The following CFAP65 variants were observed in gnomAD, a reference collection of about 807,000 sequenced individuals.
CFAP65 encodes cilia- and flagella-associated protein 65.
A neutral mutation model predicts 208.0 loss-of-function variants in CFAP65; 155 were observed. That is an observed-to-expected ratio of 0.75 (90% CI 0.65 to 0.85). The LOEUF (loss-of-function observed/expected upper bound fraction) is 0.85. Ranked by LOEUF, CFAP65 falls within the 40% of genes least tolerant of loss-of-function variation. The pLI is 0.00. For missense variants in CFAP65, 2,294 were observed against 2,451.3 expected (o/e 0.94, Z 1.36); for synonymous variants, 970 against 986.3 (o/e 0.98, Z 0.31).
rs566122546 is a variant in CFAP65, at chr2:219,019,614, A to T, written c.3365T>A (p.Ile1122Asn). ...DVSSMGSAEGITRKHLWRLFS... is the reference protein window; with the variant it reads ...DVSSMGSAEGNTRKHLWRLFS... ...GAGGCGCCACAGGTGCTTCCGGGTG[A>T]TACCCTCAGCACTGCCCATGGAGCT... is the stretch of plus-strand genomic sequence containing the variant. Residue 1122 changes from isoleucine to asparagine, a missense_variant, in exon 20 of 35, where the codon ATC becomes AAC. By Grantham distance (149) the Ile-to-Asn change is moderately radical. Around this residue, in one of 2 missense-constraint regions of CFAP65, gnomAD observed 1,427 missense variants for 1,438.7 expected, o/e 0.99. Transcript: ENST00000341552. 6.2e-7 allele frequency: 1 copy of T among 1,613,850 alleles called. No homozygotes were observed. The highest frequency in any genetic ancestry group is 1.3e-5 in the African/African-American group (1 of 75,072).
intron 21 of CFAP65, chr2:219,018,378 C>CGGT (rs1453976098): frequency 6.6e-6 from 1 of 152,202 alleles, no homozygotes; most frequent in Non-Finnish European, 1.5e-5. Context: ...GAGAAAAGCC[C>CGGT]CTCAGCCAGG....
At chr2:219,038,779 G>C in intron 3 of CFAP65, 117 bp downstream of exon 3, 1 of 1,242,626 alleles carries the variant, frequency 8.0e-7, no homozygotes, top group Non-Finnish European at 1.1e-6. Flanking sequence ...CTCACCCTCA[G>C]GGAAGGCACT....
intron 24 of CFAP65, among the ~76,000 whole-genome samples, chr2:219,011,215 A>AG (rs1203486680): frequency 6.7e-6 from 1 of 149,468 alleles, no homozygotes; most frequent in East Asian, 2.0e-4. Context: ...GTAAAGGAGT[A>AG]GCTTATTTTA....
chr2:219,005,529 C>G lies in CFAP65; in HGVS notation c.4956G>C (p.Glu1652Asp). ...ELPKRKAPRE[E>D]SETSEEKSPN... Reference sequence around the variant, plus strand: ...GGGATTTTTCCTCAGAAGTCTCTGACTCTTCCCTGGGGGCCTTCCTCTTTG... The same window carrying G: ...GGGATTTTTCCTCAGAAGTCTCTGAGTCTTCCCTGGGGGCCTTCCTCTTTG... The change falls in exon 32 of 35, where the codon GAG becomes GAC. Residue 1652 changes from glutamate to aspartate, a missense_variant. Around this residue, in one of 2 missense-constraint regions of CFAP65, gnomAD observed 1,427 missense variants for 1,438.7 expected, o/e 0.99. Transcript: ENST00000341552. The G allele has an allele frequency of 6.2e-7, 1 of 1,612,736 alleles. No homozygotes were observed.
chr2:219,017,117 TG>T (rs1201627493), intron 21 of CFAP65, among the ~76,000 whole-genome samples: 1 of 152,222 alleles, frequency 6.6e-6, no homozygotes, highest in Non-Finnish European at 1.5e-5. Flanking sequence ...GGGAAGAGAC[TG>T]GGCCCATCCA....
rs1574500012 is a variant in CFAP65, at chr2:219,003,340, G to A, written c.5556-68C>T. 6.8e-7 allele frequency: 1 copy of A among 1,462,084 alleles called. No individual in the cohort carries two copies. Among genetic ancestry groups the A allele is most frequent in the Non-Finnish European group, 9.0e-7 (1 of 1,106,310 alleles). 90.6% of individuals were successfully genotyped at this position (1,462,084 alleles called of 1,614,324 possible). ...CGCGCGCCTCCTCGCTCGCCTGTCC[G>A]TGCGGTACATTGTGCCGCGAGCTCT... On this transcript the variant is annotated intron_variant, in intron 33 of 34. Transcript: ENST00000341552. The surrounding 1 kb of genome is among the most constrained non-coding windows in gnomAD (Gnocchi z 4.4).
Position 219,003,035 on chromosome 2 carries a change from A to C in CFAP65, c.5694-14T>G, listed in dbSNP as rs1261048304. The C allele has an allele frequency of 6.4e-7, 1 of 1,553,380 alleles. No individual in the cohort carries two copies. The highest frequency in any genetic ancestry group is 2.4e-5 in the East Asian group (1 of 41,514). ...GGGGTCAGACTCCTGGAAGACAAAA[A>C]GTCCCAGGTAGGCGTGGGGGCGAGG... On this transcript the variant is annotated splice_polypyrimidine_tract_variant and intron_variant, in intron 34 of 34. Transcript: ENST00000341552. This position sits in a 1 kb window ranked among gnomAD's most constrained non-coding sequence, Gnocchi z 4.4.
At chr2:219,005,326 A>G (rs1378491946) in intron 32 of CFAP65, 108 bp downstream of exon 32, 13 of 1,456,946 alleles carry the variant, frequency 8.9e-6, no homozygotes, top group Admixed American at 1.7e-5. Context: ...ATGCCCCACC[A>G]AGTTCTATTT....
chr2:219,011,163 TGGTCAGCC>T (rs1320579259), intron 24 of CFAP65, among the ~76,000 whole-genome samples, 167 bp from the exon 25 acceptor site: 1 of 152,126 alleles, frequency 6.6e-6, no homozygotes, highest in Non-Finnish European at 1.5e-5. Flanking sequence ...TGTAACTGTA[TGGTCAGCC>T]GGTGATATTT....
Position 219,019,722 on chromosome 2 carries a change from G to C in CFAP65, c.3260-3C>G, listed in dbSNP as rs1341695179. ...CTGCTTCTCCCCAGCCTTGTTATCT[G>C]GGGAGGGGGGTGAGGAAGACAGAAG... On this transcript the variant is annotated splice_polypyrimidine_tract_variant and splice_region_variant and intron_variant, in intron 19 of 34. Coordinates refer to ENST00000341552, the MANE Select transcript of CFAP65 (RefSeq NM_194302.4). The C allele has an allele frequency of 1.2e-6, 2 of 1,612,398 alleles. No homozygotes were observed. Among genetic ancestry groups the C allele is most frequent in the East Asian group, 4.5e-5 (2 of 44,856 alleles).
At chr2:219,006,286 G>A in intron 30 of CFAP65, 63 bp from the exon 31 acceptor site, 1 of 1,543,808 alleles carries the variant, frequency 6.5e-7, no homozygotes, top group Non-Finnish European at 8.8e-7. Context: ...CACCAATGGG[G>A]TCCCTTGACC....
intron 2 of CFAP65, 97 bp downstream of exon 2, chr2:219,040,422 G>T: frequency 2.6e-6 from 2 of 754,948 alleles, no homozygotes; most frequent in South Asian, 1.5e-5. Flanking sequence ...CTCTGGAGGG[G>T]ACTATCTAGA....
In CFAP65 at chr2:219,035,613, C is replaced by T. The variant is rs143185457; in HGVS notation, c.409G>A (p.Val137Met). The T allele has an allele frequency of 1.3e-4, 206 of 1,613,978 alleles. No individual in the cohort carries two copies. The highest frequency in any genetic ancestry group is 1.7e-4 in the Non-Finnish European group (197 of 1,180,024). ...QMHSPKKQER[V>M]NKRVIWGIEV... Reference sequence around the variant, plus strand: ...ATGCCCCAGATGACCCTCTTGTTCACTCTCTCCTGCTTCTTTGGGGAGTGC... The same window carrying T: ...ATGCCCCAGATGACCCTCTTGTTCATTCTCTCCTGCTTCTTTGGGGAGTGC... Residue 137 changes from valine (V) to methionine (M), a missense_variant, in exon 5 of 35, where the codon GTG (valine) becomes ATG (methionine). Transcript: ENST00000341552.
chr2:219,022,235 T>C lies in CFAP65; in HGVS notation c.2915A>G (p.Asn972Ser), dbSNP rs774127624. The change falls in exon 17 of 35, where the codon AAC becomes AGC. Residue 972 changes from asparagine (N) to serine (S), a missense_variant. Asn to Ser is a conservative substitution (Grantham distance 46, BLOSUM62 1). Around this residue, in one of 2 missense-constraint regions of CFAP65, gnomAD observed 1,427 missense variants for 1,438.7 expected, o/e 0.99. Coordinates refer to ENST00000341552, the MANE Select transcript of CFAP65 (RefSeq NM_194302.4). Reference protein sequence around the residue: ...VWEAGLSPNANPAATTHYMLR... With the variant: ...VWEAGLSPNASPAATTHYMLR... ...CATGTAGTGGGTGGTGGCAGCGGGG[T>C]TGGCATTTGGGGACAGGCCGGCTTC... The C allele has an allele frequency of 5.4e-5, 86 of 1,605,704 alleles. No homozygotes were observed. The highest frequency in any genetic ancestry group is 1.7e-4 in the Middle Eastern group (1 of 6,048).
intron 9 of CFAP65, among the ~76,000 whole-genome samples, chr2:219,030,417 C>A (rs147223550): frequency 6.6e-6 from 1 of 152,208 alleles, no homozygotes. Context: ...AAGGGGGCAC[C>A]TTTTAATTCT....
intron 18 of CFAP65, 60 bp downstream of exon 18, chr2:219,021,720 G>A: frequency 5.1e-6 from 8 of 1,583,996 alleles, no homozygotes; most frequent in African/African-American, 1.3e-5. Context: ...AGGTTAACCG[G>A]TCTTAACCAG....
intron 13 of CFAP65, chr2:219,027,203 G>C (rs1947688879): frequency 7.8e-7 from 1 of 1,274,256 alleles, no homozygotes; most frequent in Non-Finnish European, 9.9e-7. Flanking sequence ...TCCCGACCCA[G>C]GGAAGCTGAG....
At chr2:219,033,787 A>G (rs986150315) in intron 5 of CFAP65, 1 of 152,172 alleles carries the variant, frequency 6.6e-6, no homozygotes, top group Non-Finnish European at 1.5e-5. Context: ...CTATTTAACA[A>G]TGCAGTAAGG....
chr2:219,040,417 G>A, intron 2 of CFAP65, 102 bp downstream of exon 2: 2 of 748,402 alleles, frequency 2.7e-6, no homozygotes, highest in Non-Finnish European at 4.8e-6. Flanking sequence ...AAACCCTCTG[G>A]AGGGGACTAT....
Sources: gnomAD v4.1 joint callset for allele counts (sites outside exome capture counted in the v4.1 genomes callset) on GRCh38, gnomAD v4.1.1 for gene constraint, gnomAD v4.1.1 regional missense constraint, Gnocchi (gnomAD v3.1) non-coding constraint, MANE v1.5 for transcripts, NCBI Gene and HGNC (gene_info 2026-07-23, HGNC 2026-07-21) for gene names.